Variants in NLRP14 observed in about 807,000 individuals in gnomAD.
The protein encoded by NLRP14 is NACHT, LRR and PYD domains-containing protein 14.
A neutral mutation model predicts 94.7 loss-of-function variants in NLRP14; 105 were observed. The observed-to-expected ratio is 1.11, with a 90% CI of 0.95 to 1.30. The LOEUF is 1.30. Ranked by LOEUF, NLRP14 falls within the 50% of genes most tolerant of loss-of-function variation. The probability of loss-of-function intolerance (pLI) is 0.00; values close to 1 mark genes in which losing one functional copy is unlikely to be tolerated. For synonymous variants in NLRP14, 508 were observed against 459.9 expected (o/e 1.10, Z -1.34); for missense variants, 1,362 against 1,254.1 (o/e 1.09, Z -1.30).
the NLRP14 span, among the ~76,000 whole-genome samples, chr11:7,077,954 G>T: frequency 1.3e-5 from 2 of 152,052 alleles, no homozygotes; most frequent in East Asian, 1.9e-4. Flanking sequence ...GAGGTGGGGT[G>T]GGGGGGACCC....
In NLRP14 at chr11:7,038,608, T is replaced by A. The variant is rs577221710; in HGVS notation, c.22T>A (p.Ser8Thr). The change falls in exon 2 of 12, where the codon TCT becomes ACT. Residue 8 changes from serine (S) to threonine (T), a missense_variant. Ser to Thr is a moderately conservative substitution (Grantham distance 58). Coordinates refer to ENST00000299481, the MANE Select transcript of NLRP14 (RefSeq NM_176822.4). ...CAAGATGGCAGATTCATCATCATCT[T>A]CTTTCTTTCCTGATTTTGGGCTGCT... Reference protein sequence around the residue: MADSSSSSFFPDFGLLLY... With the variant: MADSSSSTFFPDFGLLLY... The A allele has an allele frequency of 3.0e-5, 49 of 1,614,046 alleles. No homozygotes were observed. In the Admixed American group the frequency reaches 7.3e-4, roughly 24 times the overall value.
At chr11:7,088,186 A>C in the NLRP14 span, among the ~76,000 whole-genome samples, 1 of 152,234 alleles carries the variant, frequency 6.6e-6, no homozygotes, top group South Asian at 2.1e-4. Context: ...TAATTACACC[A>C]TATTAGGTCA....
intron 1 of NLRP14, among the ~76,000 whole-genome samples, chr11:7,031,165 CCTT>C (rs1852088546): frequency 6.6e-6 from 1 of 152,198 alleles, no homozygotes; most frequent in Admixed American, 6.5e-5. Flanking sequence ...CCTTTCCTGT[CCTT>C]CTGAGGCCTG....
At chr11:7,077,568 T>C in the NLRP14 span, among the ~76,000 whole-genome samples, 1 of 152,262 alleles carries the variant, frequency 6.6e-6, no homozygotes, top group African/African-American at 2.4e-5. Flanking sequence ...AGGCTGCAGA[T>C]GAAGACATAC....
chr11:7,074,261 A>G (rs1852843870), downstream of NLRP14, among the ~76,000 whole-genome samples: 1 of 152,208 alleles, frequency 6.6e-6, no homozygotes, highest in Non-Finnish European at 1.5e-5. Context: ...ACTGGTGCTG[A>G]TATCCACACA....
the NLRP14 span, among the ~76,000 whole-genome samples, chr11:7,080,757 T>C: frequency 6.6e-6 from 1 of 152,200 alleles, no homozygotes; most frequent in African/African-American, 2.4e-5. Flanking sequence ...AGAGATAGCG[T>C]AAGACTTAAA....
At chr11:7,067,437 C>G (rs1852721278) in intron 10 of NLRP14, among the ~76,000 whole-genome samples, 1 of 152,152 alleles carries the variant, frequency 6.6e-6, no homozygotes, top group African/African-American at 2.4e-5. Context: ...AAGTTGTATT[C>G]CTAGGTATTT....
chr11:7,065,791 C>T (rs1324269349), intron 10 of NLRP14, among the ~76,000 whole-genome samples: 6 of 151,750 alleles, frequency 4.0e-5, no homozygotes, highest in African/African-American at 9.7e-5. Flanking sequence ...ACACGTGCCA[C>T]GGTGGTTTGC....
chr11:7,027,938 C>T (rs532546487), intron 1 of NLRP14, among the ~76,000 whole-genome samples: 1 of 152,248 alleles, frequency 6.6e-6, no homozygotes, highest in African/African-American at 2.4e-5. Flanking sequence ...TCTGGATGTT[C>T]TTTTTCATGC....
chr11:7,023,778 C>G (rs1033307244), intron 1 of NLRP14, among the ~76,000 whole-genome samples: 1 of 151,938 alleles, frequency 6.6e-6, no homozygotes, highest in African/African-American at 2.4e-5. Context: ...AGCTTACAAT[C>G]ATGATGGAAG....
chr11:7,071,126 G>C (rs1396897650), intron 11 of NLRP14, 47 bp from the exon 12 acceptor site: 1 of 1,609,822 alleles, frequency 6.2e-7, no homozygotes, highest in Non-Finnish European at 8.5e-7. Context: ...GTGGAGGGCT[G>C]TAGGGAAATT....
chr11:7,042,785 C>T lies in NLRP14; in HGVS notation c.759C>T (p.Ser253=). ...PIEEIMYQPS[S]LLFIIDSFDE... ...AAGAAATCATGTACCAGCCAAGTAG[C>T]CTCTTGTTTATTATTGACAGTTTCG... is the stretch of plus-strand genomic sequence containing the variant. The change falls in exon 4 of 12, where the codon AGC becomes AGT. Residue 253 remains serine (S), a synonymous_variant. Coordinates refer to ENST00000299481, the MANE Select transcript of NLRP14 (RefSeq NM_176822.4). The T allele has an allele frequency of 2.5e-6, 4 of 1,614,144 alleles. No homozygotes were observed. The highest frequency in any genetic ancestry group is 3.4e-6 in the Non-Finnish European group (4 of 1,180,014).
chr11:7,025,294 G>A (rs1851999174), intron 1 of NLRP14, among the ~76,000 whole-genome samples: 1 of 152,060 alleles, frequency 6.6e-6, no homozygotes, highest in African/African-American at 2.4e-5. Context: ...GTAGGATAAA[G>A]GGGCTTCAAT....
chr11:7,039,635 T>C (rs979016976), intron 2 of NLRP14, 79 bp from the exon 3 acceptor site: 3 of 1,127,216 alleles, frequency 2.7e-6, no homozygotes, highest in Non-Finnish European at 4.1e-6. Flanking sequence ...CTTATGTGAA[T>C]GCTGGCCTCT....
At chr11:7,070,190 T>C in intron 10 of NLRP14, 96 bp from the exon 11 acceptor site, 1 of 877,470 alleles carries the variant, frequency 1.1e-6, no homozygotes, top group Non-Finnish European at 1.9e-6. Flanking sequence ...TTAAAGTTTC[T>C]GGAATTATCC....
intron 1 of NLRP14, among the ~76,000 whole-genome samples, chr11:7,031,618 C>T (rs1160912225): frequency 6.6e-6 from 1 of 152,140 alleles, no homozygotes; most frequent in African/African-American, 2.4e-5. Context: ...TATGAATAGC[C>T]CCACTTTCAC....
intron 6 of NLRP14, among the ~76,000 whole-genome samples, chr11:7,054,060 T>G (rs1436530807): frequency 2.6e-5 from 4 of 152,178 alleles, no homozygotes; most frequent in Non-Finnish European, 5.9e-5. Flanking sequence ...ATGGAAAGTT[T>G]GTCTTTCTGT....
At chr11:7,051,559 A>T (rs1335198669) in intron 6 of NLRP14, among the ~76,000 whole-genome samples, 1 of 152,222 alleles carries the variant, frequency 6.6e-6, no homozygotes, top group Admixed American at 6.5e-5. Flanking sequence ...CTAAAACTTT[A>T]AATTGCTCAT....
chr11:7,085,983 G>A, the NLRP14 span, among the ~76,000 whole-genome samples: 31 of 152,284 alleles, frequency 2.0e-4, no homozygotes, highest in African/African-American at 7.5e-4. Context: ...CTTCTTGGCT[G>A]TTGTGAATAC....
Sources: gnomAD v4.1 joint callset for allele counts (sites outside exome capture counted in the v4.1 genomes callset) on GRCh38, gnomAD v4.1.1 for gene constraint, MANE v1.5 for transcripts, NCBI Gene and HGNC (gene_info 2026-07-23, HGNC 2026-07-21) for gene names.